SPPL2A: variants seen among roughly 807,000 people sequenced by gnomAD.
SPPL2A encodes signal peptide peptidase like 2A.
A neutral mutation model predicts 63.8 loss-of-function variants in SPPL2A; 51 were observed. The ratio of observed to expected loss-of-function variants is 0.80; its 90% CI spans 0.64 to 1.01. The LOEUF is 1.01. Among genes scored for constraint, SPPL2A ranks in the 50% least tolerant of loss-of-function variants. SPPL2A has a pLI of 0.00. For missense variants in SPPL2A, 553 were observed against 622.7 expected (o/e 0.89, Z 1.19); for synonymous variants, 188 against 205.8 (o/e 0.91, Z 0.74).
intron 4 of SPPL2A, 60 bp downstream of exon 4, chr15:50,748,053 A>G (rs1304718443): frequency 1.0e-5 from 7 of 688,034 alleles, no homozygotes; most frequent in Non-Finnish European, 1.1e-5. Flanking sequence ...AACATTAGTG[A>G]TTAAAAATAA....
rs1233356807 is a variant in SPPL2A, at chr15:50,725,277, A to G, written c.1193T>C (p.Met398Thr). The stretch of plus-strand genomic sequence containing the variant: ...TGAAACAGGCATGAGGCACACACTC[A>G]TTACTGAGAAATAGATCAGTTTTGG... ...RVPKLIYFSV[M>T]SVCLMPVSIL... The change falls in exon 12 of 15, where the codon ATG becomes ACG. Residue 398 changes from methionine to threonine, a missense_variant. Met to Thr is a moderately conservative substitution (Grantham distance 81). Coordinates refer to ENST00000261854, the MANE Select transcript of SPPL2A (RefSeq NM_032802.4). The G allele has an allele frequency of 6.2e-7, 1 of 1,610,060 alleles. No individual in the cohort carries two copies. Among genetic ancestry groups the G allele is most frequent in the East Asian group, 2.2e-5 (1 of 44,836 alleles).
Position 50,748,814 on chromosome 15 carries a change from A to G in SPPL2A, c.234T>C (p.Ile78=), listed in dbSNP as rs761050163. The G allele has an allele frequency of 6.2e-7, 1 of 1,611,542 alleles. No individual in the cohort carries two copies. The highest frequency in any genetic ancestry group is 8.5e-7 in the Non-Finnish European group (1 of 1,179,112). Residue 78 remains isoleucine, a synonymous_variant, in exon 3 of 15, where the codon ATT becomes ATC. Transcript: ENST00000261854. ...CTTTGCTCTTTATGCCAACAGGAGG[A>G]ATATCAGAAAGGTTGCATAGTGGTG... is the stretch of plus-strand genomic sequence containing the variant. ...TSTPLCNLSD[I]PPVGIKSKAV...
chr15:50,739,934 TTTTA>T (rs1283525008), intron 5 of SPPL2A, 106 bp from the exon 6 acceptor site: 6 of 541,220 alleles, frequency 1.1e-5, no homozygotes, highest in African/African-American at 6.0e-5. Flanking sequence ...AACAATGTAT[TTTTA>T]TTTATTAAAA....
At chr15:50,734,401 A>T (rs964121615) in intron 8 of SPPL2A, among the ~76,000 whole-genome samples, 1 of 152,206 alleles carries the variant, frequency 6.6e-6, no homozygotes, top group African/African-American at 2.4e-5. Context: ...TAAGTGAAAT[A>T]AGCCAAGCAC....
At chr15:50,763,874 G>A (rs944311163) in intron 1 of SPPL2A, among the ~76,000 whole-genome samples, 1 of 152,084 alleles carries the variant, frequency 6.6e-6, no homozygotes, top group Non-Finnish European at 1.5e-5. Context: ...CTCCAGCCTG[G>A]GCGACAGAGT....
Position 50,720,058 on chromosome 15 carries a change from A to G in SPPL2A, c.1370T>C (p.Leu457Pro), listed in dbSNP as rs778411884. The G allele has an allele frequency of 6.2e-7, 1 of 1,613,866 alleles. No homozygotes were observed. The highest frequency in any genetic ancestry group is 8.5e-7 in the Non-Finnish European group (1 of 1,179,894). ...GAGAGCAGGTTGCCCCTTTTTCATC[A>G]GCACCAGAACAACAAATGTAAGTAT... Reference protein sequence around the residue: ...GMILTFVVLVLMKKGQPALLY... With the variant: ...GMILTFVVLVPMKKGQPALLY... The change falls in exon 14 of 15, where the codon CTG (leucine) becomes CCG (proline). Residue 457 changes from leucine (L) to proline (P), a missense_variant. Physicochemically the swap from Leu to Pro is moderately conservative, Grantham distance 98. Coordinates refer to ENST00000261854, the MANE Select transcript of SPPL2A (RefSeq NM_032802.4).
intron 1 of SPPL2A, among the ~76,000 whole-genome samples, chr15:50,764,348 T>C (rs1287016370): frequency 6.6e-6 from 1 of 152,228 alleles, no homozygotes; most frequent in African/African-American, 2.4e-5. Flanking sequence ...GCTCTTTTTA[T>C]ATCGAACTCC....
chr15:50,742,441 C>G (rs1189680617), intron 5 of SPPL2A, among the ~76,000 whole-genome samples: 6 of 152,114 alleles, frequency 3.9e-5, no homozygotes, highest in African/African-American at 1.4e-4. Flanking sequence ...TCTACAGAAC[C>G]CAGGCATCTT....
At chr15:50,715,172 AT>A (rs1256011809) in intron 14 of SPPL2A, among the ~76,000 whole-genome samples, 2 of 151,696 alleles carry the variant, frequency 1.3e-5, no homozygotes, top group Non-Finnish European at 2.9e-5. Flanking sequence ...TTTTTCTTGT[AT>A]TTTTAGTAGA....
At position 50,705,551 on chromosome 15, in the gene SPPL2A, TCTCA is replaced by T. The variant is rs1178194005; in HGVS notation, c.*2245_*2248del. ...AAAACGGCACTTAATCTGTTCTCTC[TCTCA>T]GAGTCTGCCAAATAAATCAGATTTC... is the stretch of plus-strand genomic sequence containing the variant. On this transcript the variant is annotated 3_prime_UTR_variant, in exon 15 of 15. Coordinates refer to ENST00000261854, the MANE Select transcript of SPPL2A (RefSeq NM_032802.4). 10 of 152,324 alleles carry T rather than the reference TCTCA, an allele frequency of 6.6e-5. No homozygotes were observed. Among genetic ancestry groups the T allele is most frequent in the Admixed American group, 4.6e-4 (7 of 15,292 alleles). 9.4% of individuals were successfully genotyped at this position (152,324 alleles called of 1,614,324 possible). A position where few individuals can be genotyped will look rare whatever the true frequency, so the allele number is the denominator to read the frequency against.
At chr15:50,728,631 C>T (rs185049659) in intron 10 of SPPL2A, among the ~76,000 whole-genome samples, 8 of 147,226 alleles carry the variant, frequency 5.4e-5, no homozygotes, top group Non-Finnish European at 1.0e-4. Flanking sequence ...CAGGCGTGAA[C>T]CACTGCGCTC....
At chr15:50,711,672 A>C (rs928028187) in intron 14 of SPPL2A, among the ~76,000 whole-genome samples, 1 of 152,196 alleles carries the variant, frequency 6.6e-6, no homozygotes, top group African/African-American at 2.4e-5. Flanking sequence ...AACAGCATGG[A>C]AAGACTGCCA....
intron 1 of SPPL2A, among the ~76,000 whole-genome samples, chr15:50,764,005 A>G: frequency 6.6e-6 from 1 of 152,354 alleles, no homozygotes; most frequent in East Asian, 1.9e-4. Flanking sequence ...AAGGCTATGA[A>G]ATCAAATGAC....
At position 50,707,089 on chromosome 15, in the gene SPPL2A, A is replaced by T. The variant is rs2062514970; in HGVS notation, c.*711T>A. The stretch of plus-strand genomic sequence containing the variant: ...GAACCGCCTTCTTGCATGGTGTTAA[A>T]CAGTTATTTCTACAGAGCAGATATA... On this transcript the variant is annotated 3_prime_UTR_variant, in exon 15 of 15. Coordinates refer to ENST00000261854, the MANE Select transcript of SPPL2A (RefSeq NM_032802.4). 1 of 152,176 alleles carries T rather than the reference A, an allele frequency of 6.6e-6. No individual in the cohort carries two copies. The highest frequency in any genetic ancestry group is 2.4e-5 in the African/African-American group (1 of 41,436). 9.4% of individuals were successfully genotyped at this position (152,176 alleles called of 1,614,324 possible).
At chr15:50,722,297 A>G in intron 12 of SPPL2A, 96 bp from the exon 13 acceptor site, 3 of 683,128 alleles carry the variant, frequency 4.4e-6, no homozygotes, top group Middle Eastern at 4.0e-4. Context: ...TTGAATCTTC[A>G]TTGTTGCATT....
intron 14 of SPPL2A, 123 bp downstream of exon 14, chr15:50,719,817 T>G: frequency 1.7e-6 from 1 of 586,874 alleles, no homozygotes; most frequent in South Asian, 2.7e-5. Flanking sequence ...GGACAGTGAG[T>G]AAGGGGGTAT....
At chr15:50,760,695 T>G (rs1370566692) in intron 1 of SPPL2A, among the ~76,000 whole-genome samples, 2 of 152,024 alleles carry the variant, frequency 1.3e-5, no homozygotes, top group African/African-American at 4.8e-5. Flanking sequence ...CCATATGAAT[T>G]TGGGGTGGGG....
rs373037705 is a variant in SPPL2A at position 50,737,721 on chromosome 15, G to C, written c.734-981C>G. Among the ~76,000 whole-genome samples the C allele has an allele frequency of 3.2e-4, 48 of 152,136 alleles. No individual in the cohort carries two copies. In the East Asian group the frequency reaches 7.6e-3, roughly 24 times the overall value. ...ACTTACTTTGGCCTCCCAAAGTGCT[G>C]GGATTACAGGCGAGAGCCACCGCAT... is the stretch of plus-strand genomic sequence containing the variant. On this transcript the variant is annotated intron_variant, in intron 6 of 14. Coordinates refer to ENST00000261854, the MANE Select transcript of SPPL2A (RefSeq NM_032802.4).
Position 50,736,858 on chromosome 15 carries a change from A to T in SPPL2A, c.734-118T>A. ...ATTGAATCATACTTCCAATGAAGTG[A>T]CTATACGATGACCTGAATTACTTAC... On this transcript the variant is annotated intron_variant, in intron 6 of 14. Coordinates refer to ENST00000261854, the MANE Select transcript of SPPL2A (RefSeq NM_032802.4). 3 of 548,744 alleles carry T rather than the reference A, an allele frequency of 5.5e-6. No individual in the cohort carries two copies. In the South Asian group the frequency reaches 7.6e-5, roughly 14 times the overall value. 34.0% of individuals were successfully genotyped at this position (548,744 alleles called of 1,614,324 possible).
Sources: allele counts gnomAD v4.1 joint callset (sites outside exome capture counted in the v4.1 genomes callset), GRCh38; gene constraint gnomAD v4.1.1; transcripts MANE v1.5; gene names NCBI Gene and HGNC (gene_info 2026-07-23, HGNC 2026-07-21).